Variants in PPME1 observed in about 807,000 individuals in gnomAD.
PPME1 encodes protein phosphatase methylesterase 1.
In PPME1, 17 loss-of-function variants were observed where a neutral mutation model predicts 56.9. The observed-to-expected ratio is 0.30, with a 90% CI of 0.20 to 0.45. PPME1 has a LOEUF of 0.45. Among genes scored for constraint, PPME1 ranks in the 20% least tolerant of loss-of-function variants. The pLI is 1.00. For synonymous variants in PPME1, 122 were observed against 156.2 expected (o/e 0.78, Z 1.63); for missense variants, 357 against 483.2 (o/e 0.74, Z 2.45).
Position 74,171,383 on chromosome 11 carries a change from T to G in PPME1, c.-39T>G. ...GCCACACTCAACGTGGGACGAAGCT[T>G]CGCCTACTGTTTGACTACGTGCGTG... is the stretch of plus-strand genomic sequence containing the variant. On this transcript the variant is annotated 5_prime_UTR_variant, in exon 1 of 14. Coordinates refer to ENST00000328257, the MANE Select transcript of PPME1 (RefSeq NM_016147.3). The G allele has an allele frequency of 6.3e-7, 1 of 1,583,032 alleles. No individual in the cohort carries two copies. The highest frequency in any genetic ancestry group is 8.6e-7 in the Non-Finnish European group (1 of 1,164,234).
intron 3 of PPME1, among the ~76,000 whole-genome samples, chr11:74,207,491 A>G (rs1364850833): frequency 6.6e-6 from 1 of 152,270 alleles, no homozygotes; most frequent in African/African-American, 2.4e-5. Flanking sequence ...TCAAAGGGAT[A>G]TAACTATTAG....
intron 1 of PPME1, among the ~76,000 whole-genome samples, chr11:74,196,689 C>T (rs1265551102): frequency 6.6e-6 from 1 of 152,050 alleles, no homozygotes; most frequent in Non-Finnish European, 1.5e-5. Flanking sequence ...CAGAGTAGGA[C>T]GTTCCCGAAA....
chr11:74,224,884 C>G (rs1036048156), intron 4 of PPME1, among the ~76,000 whole-genome samples: 15 of 150,642 alleles, frequency 1.0e-4, no homozygotes, highest in African/African-American at 3.7e-4. Context: ...ATCATGTCGT[C>G]TGCAAACAGG....
Position 74,246,165 on chromosome 11 carries a change from C to T in PPME1, c.924C>T (p.Leu308=), listed in dbSNP as rs541885504. The T allele has an allele frequency of 4.5e-6, 7 of 1,552,780 alleles. No homozygotes were observed. In the South Asian group the frequency reaches 7.1e-5, roughly 16 times the overall value. Residue 308 remains leucine, a synonymous_variant, in exon 10 of 14, where the codon CTC becomes CTT. Transcript: ENST00000328257. ...GCTGGTTCCGAGGCTTATCCAATCT[C>T]TTTCTTAGTTGTCCCATTCCTAAAT... The part of the protein sequence containing the change: ...WDGWFRGLSN[L]FLSCPIPKLL...
chr11:74,207,223 G>T (rs1445004684), intron 3 of PPME1, among the ~76,000 whole-genome samples: 2 of 152,154 alleles, frequency 1.3e-5, no homozygotes, highest in African/African-American at 4.8e-5. Context: ...TTCACTGAAA[G>T]GATTTAATTG....
intron 9 of PPME1, among the ~76,000 whole-genome samples, chr11:74,241,277 A>C (rs1329922123): frequency 6.6e-6 from 1 of 152,230 alleles, no homozygotes; most frequent in Non-Finnish European, 1.5e-5. Flanking sequence ...TCTTAAAATA[A>C]AATTATCAGG....
intron 3 of PPME1, among the ~76,000 whole-genome samples, chr11:74,211,202 A>G (rs949072681): frequency 6.6e-6 from 1 of 152,230 alleles, no homozygotes; most frequent in African/African-American, 2.4e-5. Flanking sequence ...AAATCTGAAT[A>G]TGGAAATAAG....
At chr11:74,211,736 G>A (rs576376182) in intron 3 of PPME1, among the ~76,000 whole-genome samples, 11 of 152,042 alleles carry the variant, frequency 7.2e-5, no homozygotes, top group East Asian at 1.9e-4. Context: ...TAATATTTTC[G>A]TTATATTAAA....
chr11:74,222,452 C>T (rs891668930), intron 4 of PPME1, 83 bp downstream of exon 4: 8 of 1,227,802 alleles, frequency 6.5e-6, no homozygotes, highest in Middle Eastern at 1.9e-4. Flanking sequence ...GAAATTTCAA[C>T]GTGGCCATAA....
Position 74,216,027 on chromosome 11 carries a change from G to A in PPME1, c.289-6285G>A, listed in dbSNP as rs1941819. ...AGCAAATATTATTAGAGCTGAAGAG[G>A]GAGAGATGGGCCCCACCCAATACAA... On this transcript the variant is annotated intron_variant, in intron 3 of 13. Transcript: ENST00000328257. Among the ~76,000 whole-genome samples the A allele has an allele frequency of 1.8e-3, 269 of 152,302 alleles. 1 individual carries two copies. The highest frequency in any genetic ancestry group is 6.2e-3 in the African/African-American group (256 of 41,574).
chr11:74,241,837 A>G (rs921635685), intron 9 of PPME1, among the ~76,000 whole-genome samples: 2 of 152,016 alleles, frequency 1.3e-5, no homozygotes, highest in Admixed American at 6.6e-5. Flanking sequence ...TACTTGGGTT[A>G]TTTGATTTTA....
intron 3 of PPME1, chr11:74,205,306 T>C (rs1414199325): frequency 6.6e-6 from 1 of 152,242 alleles, no homozygotes; most frequent in African/African-American, 2.4e-5. Flanking sequence ...GTGTGAATGC[T>C]GTCAATTATA....
At chr11:74,209,404 T>C (rs931716589) in intron 3 of PPME1, among the ~76,000 whole-genome samples, 8 of 152,190 alleles carry the variant, frequency 5.3e-5, no homozygotes, top group Admixed American at 5.2e-4. Context: ...TGTCTGGCCA[T>C]GGGAGCTATT....
At chr11:74,235,741 A>G in intron 7 of PPME1, 160 bp from the exon 8 acceptor site, 1 of 1,144,234 alleles carries the variant, frequency 8.7e-7, no homozygotes, top group Admixed American at 2.7e-5. Context: ...AAAACCATGT[A>G]GCCAGGTGAG....
chr11:74,204,565 T>G (rs1858276496), intron 3 of PPME1, 120 bp downstream of exon 3: 1 of 784,852 alleles, frequency 1.3e-6, no homozygotes, highest in Admixed American at 2.2e-5. Context: ...ATTCCAGGCA[T>G]ACACACAGAC....
At chr11:74,182,091 T>G (rs1196913833) in intron 1 of PPME1, among the ~76,000 whole-genome samples, 1 of 152,212 alleles carries the variant, frequency 6.6e-6, no homozygotes, top group African/African-American at 2.4e-5. Context: ...AGTTCTATAC[T>G]TCTACTGTCT....
At chr11:74,180,479 G>A (rs1434077092) in intron 1 of PPME1, among the ~76,000 whole-genome samples, 1 of 152,130 alleles carries the variant, frequency 6.6e-6, no homozygotes, top group East Asian at 1.9e-4. Context: ...GGGCTATACT[G>A]CCTTTCTCCT....
intron 8 of PPME1, among the ~76,000 whole-genome samples, chr11:74,236,410 A>G (rs1390248882): frequency 2.0e-5 from 3 of 152,194 alleles, no homozygotes; most frequent in East Asian, 3.8e-4. Context: ...ATTTAGCCCA[A>G]TTGATCTTTC....
At chr11:74,202,988 A>T (rs1240368542) in intron 1 of PPME1, among the ~76,000 whole-genome samples, 1 of 152,122 alleles carries the variant, frequency 6.6e-6, no homozygotes, top group East Asian at 1.9e-4. Flanking sequence ...TTATATATTC[A>T]TATATAAAGA....
Sources: gnomAD v4.1 joint callset for allele counts (sites outside exome capture counted in the v4.1 genomes callset) on GRCh38, gnomAD v4.1.1 for gene constraint, MANE v1.5 for transcripts, NCBI Gene and HGNC (gene_info 2026-07-23, HGNC 2026-07-21) for gene names.